The following LRRC37A2 variants were observed in gnomAD, a reference collection of about 807,000 sequenced individuals.
LRRC37A2 encodes leucine rich repeat containing 37 member A2, also known as leucine-rich repeat-containing protein 37A2.
In LRRC37A2, 9 loss-of-function variants were observed where a neutral mutation model predicts 68.8. That is an observed-to-expected ratio of 0.13 (90% CI 0.08 to 0.23). The LOEUF (loss-of-function observed/expected upper bound fraction) is 0.23. Among genes scored for constraint, LRRC37A2 ranks in the 10% least tolerant of loss-of-function variants. The pLI is 1.00. For synonymous variants in LRRC37A2, 63 were observed against 367.6 expected, an observed-to-expected ratio of 0.17 and a Z score of 9.48; for missense variants, 168 against 950.4, an observed-to-expected ratio of 0.18 and a Z score of 10.82.
chr17:46,761,290 C>G, the LRRC37A2 span, among the ~76,000 whole-genome samples: 23 of 152,012 alleles, frequency 1.5e-4, no homozygotes, highest in Admixed American at 6.5e-4. Context: ...CCCGCCTCCA[C>G]CATAGGCGGC....
the LRRC37A2 span, among the ~76,000 whole-genome samples, chr17:46,500,087 GA>G: frequency 3.4e-5 from 5 of 147,822 alleles, no homozygotes; most frequent in East Asian, 9.9e-4. Context: ...ATTCAGTCAA[GA>G]AATTCACTCC....
the LRRC37A2 span, chr17:46,932,148 G>C: frequency 3.1e-6 from 5 of 1,614,156 alleles, no homozygotes; most frequent in Non-Finnish European, 4.2e-6. Flanking sequence ...ATGCAAGGGA[G>C]CAGCAGGAGA....
At chr17:46,964,381 TG>T in the LRRC37A2 span, 3 of 152,284 alleles carry the variant, frequency 2.0e-5, no homozygotes, top group African/African-American at 7.2e-5. Context: ...GGAGGTGATC[TG>T]AGATGAGCAG....
the LRRC37A2 span, among the ~76,000 whole-genome samples, chr17:47,008,358 G>T: frequency 1.3e-5 from 2 of 151,988 alleles, no homozygotes; most frequent in South Asian, 2.1e-4. Context: ...TGATCCGCCC[G>T]GCTTGGCCTC....
the LRRC37A2 span, chr17:46,729,019 G>A: frequency 6.0e-6 from 5 of 834,240 alleles, no homozygotes; most frequent in South Asian, 1.9e-5. Context: ...TAAATAAGCA[G>A]GTTATCATAA....
chr17:46,768,232 G>A, the LRRC37A2 span: 36 of 1,589,670 alleles, frequency 2.3e-5, no homozygotes, highest in South Asian at 1.0e-4. This position sits in a 1 kb window ranked among gnomAD's most constrained non-coding sequence, Gnocchi z 5.0. Flanking sequence ...GAAGGGGGTC[G>A]TCAAGAAGAC....
the LRRC37A2 span, among the ~76,000 whole-genome samples, chr17:46,747,218 C>T: frequency 6.6e-5 from 10 of 152,140 alleles, no homozygotes; most frequent in African/African-American, 2.4e-4. Context: ...GAAAAAGGGG[C>T]AAGTCATAGG....
chr17:46,900,196 T>TACACAC, the LRRC37A2 span, among the ~76,000 whole-genome samples: 3 of 105,598 alleles, frequency 2.8e-5, no homozygotes, highest in African/African-American at 1.4e-4. Flanking sequence ...TATATATATA[T>TACACAC]ATATATACAC....
At chr17:46,868,764 T>C in the LRRC37A2 span, among the ~76,000 whole-genome samples, 1 of 152,174 alleles carries the variant, frequency 6.6e-6, no homozygotes, top group Non-Finnish European at 1.5e-5. Context: ...GTGAGTGGTG[T>C]CTGCAGGGCT....
chr17:47,013,311 A>G, the LRRC37A2 span, among the ~76,000 whole-genome samples: 63 of 152,352 alleles, frequency 4.1e-4, no homozygotes, highest in African/African-American at 1.2e-3. Flanking sequence ...ACTAAAAACC[A>G]TTGAATTGTA....
chr17:46,811,798 A>C, the LRRC37A2 span, among the ~76,000 whole-genome samples: 5 of 152,110 alleles, frequency 3.3e-5, no homozygotes, highest in African/African-American at 1.2e-4. Flanking sequence ...TCTACTAAAA[A>C]ATTCAAATAT....
the LRRC37A2 span, among the ~76,000 whole-genome samples, chr17:46,951,883 CT>C: frequency 2.0e-5 from 3 of 152,042 alleles, no homozygotes; most frequent in Non-Finnish European, 2.9e-5. Context: ...GTTTGCCTCG[CT>C]GCTTCTCCCC....
At chr17:46,526,543 A>G (rs1319398952) in intron 6 of LRRC37A2, among the ~76,000 whole-genome samples, 1 of 104,484 alleles carries the variant, frequency 9.6e-6, no homozygotes, top group Non-Finnish European at 2.1e-5. Context: ...GATAAGGCTC[A>G]GGCCCCACAA....
the LRRC37A2 span, among the ~76,000 whole-genome samples, chr17:46,895,492 G>T: frequency 2.8e-4 from 42 of 152,298 alleles, no homozygotes; most frequent in East Asian, 6.2e-3. Flanking sequence ...TGTGAAGATT[G>T]AGATGATGCA....
the LRRC37A2 span, among the ~76,000 whole-genome samples, chr17:46,928,669 A>C: frequency 6.6e-6 from 1 of 152,126 alleles, no homozygotes; most frequent in African/African-American, 2.4e-5. Flanking sequence ...ATGTTTACCA[A>C]ACAGAAGGTC....
the LRRC37A2 span, among the ~76,000 whole-genome samples, chr17:46,879,918 G>C: frequency 1.3e-5 from 2 of 152,362 alleles, no homozygotes; most frequent in South Asian, 4.1e-4. Flanking sequence ...GCCACTCCAA[G>C]GGGTCCTTCT....
At chr17:46,950,858 A>G in the LRRC37A2 span, among the ~76,000 whole-genome samples, 1 of 152,214 alleles carries the variant, frequency 6.6e-6, no homozygotes, top group East Asian at 1.9e-4. Flanking sequence ...GGGACCACCA[A>G]GCCAGACTTT....
the LRRC37A2 span, among the ~76,000 whole-genome samples, chr17:46,458,859 C>T: frequency 9.5e-6 from 1 of 104,942 alleles, no homozygotes; most frequent in African/African-American, 3.3e-5. Context: ...GAATTGTAAA[C>T]CATGGATCCT....
At chr17:46,941,993 A>G in the LRRC37A2 span, 1 of 978,360 alleles carries the variant, frequency 1.0e-6, no homozygotes, top group Non-Finnish European at 1.2e-6. Context: ...TGTTAAGTCC[A>G]AAATAAATTC....
Sources: gnomAD v4.1 joint callset for allele counts (sites outside exome capture counted in the v4.1 genomes callset) on GRCh38, gnomAD v4.1.1 for gene constraint, Gnocchi (gnomAD v3.1) non-coding constraint, MANE v1.5 for transcripts, NCBI Gene and HGNC (gene_info 2026-07-23, HGNC 2026-07-21) for gene names.